LRPPRC: variants seen among roughly 807,000 people sequenced by gnomAD.
LRPPRC encodes the protein leucine-rich PPR motif-containing protein, mitochondrial.
LRPPRC carries 120 observed loss-of-function variants against 180.3 expected under a neutral mutation model. The ratio of observed to expected loss-of-function variants is 0.67; its 90% CI spans 0.57 to 0.77. The LOEUF is 0.77. Ranked by LOEUF, LRPPRC falls within the 30% of genes least tolerant of loss-of-function variation. LRPPRC has a pLI of 0.00. For missense variants in LRPPRC, 2,012 were observed against 1,657.2 expected, an observed-to-expected ratio of 1.21 and a Z score of -3.72; for synonymous variants, 723 against 600.0, an observed-to-expected ratio of 1.21 and a Z score of -3.00.
intron 1 of LRPPRC, among the ~76,000 whole-genome samples, chr2:43,993,663 T>A (rs900482933): frequency 3.3e-5 from 5 of 152,040 alleles, no homozygotes; most frequent in Non-Finnish European, 7.4e-5. Context: ...CACTTCTTTA[T>A]TGCCTGCTGT....
At chr2:43,963,846 G>A in intron 11 of LRPPRC, 140 bp from the exon 12 acceptor site, 1 of 711,926 alleles carries the variant, frequency 1.4e-6, no homozygotes, top group Non-Finnish European at 2.5e-6. Context: ...AGGCAGAAAA[G>A]AAACACTGTG....
At chr2:43,944,215 G>C (rs924543838) in intron 22 of LRPPRC, among the ~76,000 whole-genome samples, 11 of 152,032 alleles carry the variant, frequency 7.2e-5, no homozygotes, top group Non-Finnish European at 1.2e-4. Context: ...GCTAACATCT[G>C]CTAAATCACA....
intron 25 of LRPPRC, among the ~76,000 whole-genome samples, chr2:43,927,086 T>C (rs940949131): frequency 1.3e-5 from 2 of 152,230 alleles, no homozygotes; most frequent in African/African-American, 4.8e-5. Flanking sequence ...TGTCACTCTA[T>C]AGTATTTTCA....
intron 12 of LRPPRC, among the ~76,000 whole-genome samples, chr2:43,960,901 T>G (rs1456404815): frequency 6.6e-6 from 1 of 152,174 alleles, no homozygotes; most frequent in Non-Finnish European, 1.5e-5. Flanking sequence ...ACTAGAATAA[T>G]TCTCCCATTC....
rs775309201 is a variant in LRPPRC, at chr2:43,974,716, G to C, written c.907C>G (p.Arg303Gly). 4 of 1,612,900 alleles carry C rather than the reference G, an allele frequency of 2.5e-6. No individual in the cohort carries two copies. The highest frequency in any genetic ancestry group is 1.3e-5 in the African/African-American group (1 of 74,752). Residue 303 changes from arginine (R) to glycine (G), a missense_variant, in exon 8 of 38, where the codon CGT (arginine) becomes GGT (glycine). Coordinates refer to ENST00000260665, the MANE Select transcript of LRPPRC (RefSeq NM_133259.4). ...CTAAAAATAATTTGCAGTAAATCAC[G>C]GTCCATAAGGTGAAGCTCGGACTTC... is the stretch of plus-strand genomic sequence containing the variant. ...VEKSELHLMD[R>G]DLLQIIFSFS...
chr2:43,936,441 A>C (rs1261785626), intron 23 of LRPPRC, among the ~76,000 whole-genome samples: 2 of 152,240 alleles, frequency 1.3e-5, no homozygotes, highest in East Asian at 3.9e-4. Context: ...AACTAGTGAC[A>C]ATTAGTGAAA....
intron 29 of LRPPRC, among the ~76,000 whole-genome samples, chr2:43,915,717 T>C (rs1175052213): frequency 1.3e-5 from 2 of 152,176 alleles, no homozygotes; most frequent in African/African-American, 4.8e-5. Context: ...AGTTATACTA[T>C]AGGTAACTGA....
At chr2:43,935,566 C>G (rs1672246157) in intron 23 of LRPPRC, among the ~76,000 whole-genome samples, 1 of 152,230 alleles carries the variant, frequency 6.6e-6, no homozygotes. Flanking sequence ...GTCAAGCCTT[C>G]TTTTATGTGA....
At chr2:43,977,402 C>T (rs193103213) in intron 3 of LRPPRC, 126 bp from the exon 4 acceptor site, 210 of 718,798 alleles carry the variant, frequency 2.9e-4, no homozygotes, top group Non-Finnish European at 4.2e-4. Flanking sequence ...TCCATCTTGG[C>T]GCTCAGACCT....
chr2:43,965,046 A>G (rs60927944), intron 11 of LRPPRC, among the ~76,000 whole-genome samples: 31,308 of 152,040 alleles, frequency 0.21, 3,955 homozygotes, highest in African/African-American at 0.35. Context: ...CGGTCGCCCA[A>G]GCTGGAGTGC....
intron 36 of LRPPRC, chr2:43,890,363 C>T (rs1012105977): frequency 2.1e-6 from 1 of 469,720 alleles, no homozygotes; most frequent in Non-Finnish European, 4.4e-6. Context: ...TTTCATTTTT[C>T]TATTGTAAAA....
At chr2:43,984,673 A>G (rs1674449683) in intron 1 of LRPPRC, among the ~76,000 whole-genome samples, 1 of 152,204 alleles carries the variant, frequency 6.6e-6, no homozygotes, top group African/African-American at 2.4e-5. Flanking sequence ...AGCCTGGAGT[A>G]ATGGGTATGT....
chr2:43,973,305 T>C (rs1031290372), intron 11 of LRPPRC, among the ~76,000 whole-genome samples: 1 of 152,146 alleles, frequency 6.6e-6, no homozygotes, highest in Admixed American at 6.5e-5. Flanking sequence ...AAACACTATA[T>C]ATAAAATCAA....
chr2:43,894,609 C>T lies in LRPPRC; in HGVS notation c.3921G>A (p.Val1307=). Residue 1307 remains valine, a synonymous_variant, in exon 36 of 38, where the codon GTG becomes GTA. Coordinates refer to ENST00000260665, the MANE Select transcript of LRPPRC (RefSeq NM_133259.4). ...KQGKASTVKS[V]LELIPELNEK... is the part of the protein sequence containing the mutation. ...CATTTAATTCAGGAATCAATTCTAA[C>T]ACAGATTTCACAGTTGATGCCTAGG... The T allele has an allele frequency of 6.4e-7, 1 of 1,567,048 alleles. No homozygotes were observed. The highest frequency in any genetic ancestry group is 8.8e-7 in the Non-Finnish European group (1 of 1,137,544).
At chr2:43,896,217 TCTTTC>T (rs201507883) in intron 35 of LRPPRC, 23,316 of 96,592 alleles carry the variant, frequency 0.24, 3,120 homozygotes, top group East Asian at 0.45. Flanking sequence ...TTTCTTTCTT[TCTTTC>T]TTTTTTTTTT....
chr2:43,994,909 G>C (rs536447298), intron 1 of LRPPRC, among the ~76,000 whole-genome samples: 4 of 152,314 alleles, frequency 2.6e-5, no homozygotes, highest in Admixed American at 1.3e-4. Context: ...TGCATCCCCA[G>C]ATTCCAACAG....
chr2:43,982,202 A>G, intron 2 of LRPPRC, 36 bp downstream of exon 2: 1 of 1,491,994 alleles, frequency 6.7e-7, no homozygotes, highest in Non-Finnish European at 9.0e-7. Flanking sequence ...GTGACCAGCC[A>G]AAAGTCAACT....
At chr2:43,917,994 CA>C in intron 29 of LRPPRC, 30 bp downstream of exon 29, 2 of 1,442,600 alleles carry the variant, frequency 1.4e-6, no homozygotes, top group Non-Finnish European at 1.9e-6. Flanking sequence ...ACCACCCCCC[CA>C]CACACACCCC....
rs538367294 is a variant in LRPPRC, at chr2:43,987,444, G to C, written c.150-5010C>G. Among the ~76,000 whole-genome samples the C allele has an allele frequency of 2.2e-5, 3 of 133,418 alleles. No individual in the cohort carries two copies. In the South Asian group the frequency reaches 6.9e-4, roughly 31 times the overall value. 87.5% of individuals were successfully genotyped at this position (133,418 alleles called of 152,430 possible). On this transcript the variant is annotated intron_variant, in intron 1 of 37. Coordinates refer to ENST00000260665, the MANE Select transcript of LRPPRC (RefSeq NM_133259.4). ...CAGGAGGCGGAGCTTGCAGTGAGCC[G>C]AGATAGCGTCACTGCACTCCAGGCC...
Sources: allele counts gnomAD v4.1 joint callset (sites outside exome capture counted in the v4.1 genomes callset), GRCh38; gene constraint gnomAD v4.1.1; transcripts MANE v1.5; gene names NCBI Gene and HGNC (gene_info 2026-07-23, HGNC 2026-07-21).